Variants in ATP2C2 observed in about 807,000 individuals in gnomAD.
ATP2C2 encodes ATPase secretory pathway Ca2+ transporting 2.
Under a neutral mutation model 110.8 loss-of-function variants are expected in ATP2C2, and 171 were observed. The ratio of observed to expected loss-of-function variants is 1.54; its 90% CI spans 1.36 to 1.75. The LOEUF (loss-of-function observed/expected upper bound fraction) is 1.75. Among genes scored for constraint, ATP2C2 ranks in the 40% most tolerant of loss-of-function variants. The pLI is 0.00. For missense variants in ATP2C2, 1,963 were observed against 1,235.0 expected, an observed-to-expected ratio of 1.59 and a Z score of -8.84; for synonymous variants, 804 against 508.4, an observed-to-expected ratio of 1.58 and a Z score of -7.82.
chr16:84,439,277 C>G lies in ATP2C2; in HGVS notation c.1098C>G (p.Ile366Met), dbSNP rs750654957. The G allele has an allele frequency of 3.7e-6, 6 of 1,612,734 alleles. No individual in the cohort carries two copies. Among genetic ancestry groups the G allele is most frequent in the African/African-American group, 1.3e-5 (1 of 74,846 alleles). ...KKRVIVKKLP[I>M]VETLGCCSVL... Reference sequence around the variant, plus strand: ...GGGTCATCGTGAAGAAGTTACCCATCGTGGAGACTTTAGGTGAGGGACTCC... The same window carrying G: ...GGGTCATCGTGAAGAAGTTACCCATGGTGGAGACTTTAGGTGAGGGACTCC... Residue 366 changes from isoleucine (I) to methionine (M), a missense_variant, in exon 12 of 27, where the codon ATC becomes ATG. Ile to Met is a conservative substitution (Grantham distance 10). Transcript: ENST00000262429.
chr16:84,389,314 C>T (rs1020952974), intron 1 of ATP2C2, among the ~76,000 whole-genome samples: 4 of 151,642 alleles, frequency 2.6e-5, no homozygotes, highest in African/African-American at 7.3e-5. Context: ...TTCTAGATTC[C>T]CCGCGATCTG....
intron 17 of ATP2C2, among the ~76,000 whole-genome samples, chr16:84,449,948 G>A (rs867878902): frequency 1.3e-5 from 2 of 152,250 alleles, no homozygotes; most frequent in African/African-American, 2.4e-5. Flanking sequence ...AAGTGCCTGT[G>A]TGAGGCCACG....
intron 6 of ATP2C2, 68 bp from the exon 7 acceptor site, chr16:84,415,415 A>T: frequency 7.8e-7 from 1 of 1,287,794 alleles, no homozygotes; most frequent in East Asian, 2.3e-5. Flanking sequence ...TCCTTGTTCA[A>T]ATGTATCAAG....
chr16:84,377,304 C>T (rs1910305087), intron 1 of ATP2C2, among the ~76,000 whole-genome samples: 1 of 152,190 alleles, frequency 6.6e-6, no homozygotes, highest in African/African-American at 2.4e-5. Flanking sequence ...TCAATCCAAT[C>T]ACCTGTCTTC....
intron 14 of ATP2C2, 111 bp downstream of exon 14, chr16:84,441,069 G>C (rs1597841945): frequency 1.1e-6 from 1 of 928,372 alleles, no homozygotes; most frequent in Admixed American, 2.1e-5. Flanking sequence ...ACAATGACTG[G>C]CCCATCCAGG....
chr16:84,448,680 G>C lies in ATP2C2; in HGVS notation c.1651G>C (p.Gly551Arg). ...GGAAGAGAAGAGGATGGGGTCGCTC[G>C]GTTTGCGGGGTCAGTGCCTGTGGTC... Reference protein sequence around the residue: ...LQEEKRMGSLGLRVLALASGP... With the variant: ...LQEEKRMGSLRLRVLALASGP... Residue 551 changes from glycine to arginine, a missense_variant, in exon 17 of 27, where the codon GGT (glycine) becomes CGT (arginine). Transcript: ENST00000262429. The C allele has an allele frequency of 1.2e-6, 2 of 1,611,586 alleles. No homozygotes were observed. Among genetic ancestry groups the C allele is most frequent in the Admixed American group, 1.7e-5 (1 of 59,662 alleles).
At chr16:84,453,110 C>T (rs1283167880) in intron 18 of ATP2C2, 28 bp from the exon 19 acceptor site, 1 of 1,578,408 alleles carries the variant, frequency 6.3e-7, no homozygotes, top group Non-Finnish European at 8.6e-7. Context: ...GGCCTCAGAG[C>T]AGGCCCTCAG....
chr16:84,441,929 A>G (rs926154607), intron 14 of ATP2C2, among the ~76,000 whole-genome samples: 2 of 147,922 alleles, frequency 1.4e-5, no homozygotes, highest in African/African-American at 5.0e-5. Context: ...TCTCGAATGA[A>G]TGAATGAATG....
intron 11 of ATP2C2, among the ~76,000 whole-genome samples, chr16:84,428,918 ATGCAGTGG>A (rs1908018871): frequency 6.6e-6 from 1 of 152,182 alleles, no homozygotes; most frequent in African/African-American, 2.4e-5. Context: ...CATGAAAATG[ATGCAGTGG>A]TGCTGTACAG....
intron 2 of ATP2C2, 161 bp from the exon 3 acceptor site, chr16:84,404,967 A>G (rs757310733): frequency 1.4e-6 from 1 of 730,378 alleles, no homozygotes; most frequent in African/African-American, 1.7e-5. Flanking sequence ...TCTCTGCCCC[A>G]TCTGCACGGG....
chr16:84,460,936 C>T (rs1911264499), intron 24 of ATP2C2, 135 bp downstream of exon 24: 2 of 1,278,926 alleles, frequency 1.6e-6, no homozygotes, highest in South Asian at 3.1e-5. Flanking sequence ...AATGTGATGC[C>T]ATCAGAGGCG....
intron 16 of ATP2C2, among the ~76,000 whole-genome samples, chr16:84,447,208 TCAG>T (rs966401716): frequency 6.6e-6 from 1 of 152,138 alleles, no homozygotes; most frequent in African/African-American, 2.4e-5. Flanking sequence ...CAGCTCCCAC[TCAG>T]GGCTGTGGGC....
Position 84,368,570 on chromosome 16 carries a change from C to A in ATP2C2, c.-46C>A. On this transcript the variant is annotated 5_prime_UTR_variant, in exon 1 of 27. Coordinates refer to ENST00000262429, the MANE Select transcript of ATP2C2 (RefSeq NM_014861.4). ...TTGGGCGCGCGCAGCCATCCCGGGC[C>A]TCGCCGGGGACCTAGGGACGCAGGC... 1 of 1,449,112 alleles carries A rather than the reference C, an allele frequency of 6.9e-7. No homozygotes were observed. The highest frequency in any genetic ancestry group is 2.7e-5 in the East Asian group (1 of 37,630). The allele number at this position is 1,449,112 out of a possible 1,614,324, so 89.8% of individuals were successfully genotyped here. A position where few individuals can be genotyped will look rare whatever the true frequency, so the allele number is the denominator to read the frequency against.
chr16:84,462,336 G>A, intron 26 of ATP2C2: 2 of 632,338 alleles, frequency 3.2e-6, no homozygotes, highest in Non-Finnish European at 5.2e-6. Flanking sequence ...CCCCTAGGAA[G>A]AGGCCTGTCA....
intron 17 of ATP2C2, among the ~76,000 whole-genome samples, 173 bp downstream of exon 17, chr16:84,448,862 G>A (rs1910003257): frequency 6.6e-6 from 1 of 152,152 alleles, no homozygotes; most frequent in Admixed American, 6.5e-5. Flanking sequence ...AGGCACAGAG[G>A]TCCCCACCTC....
intron 11 of ATP2C2, among the ~76,000 whole-genome samples, chr16:84,436,611 T>A (rs1908757339): frequency 6.6e-6 from 1 of 152,076 alleles, no homozygotes; most frequent in African/African-American, 2.4e-5. Flanking sequence ...ACAGAGTGGA[T>A]CCATGCGGTG....
Position 84,453,136 on chromosome 16 carries a change from A to G in ATP2C2, c.1832-2A>G. ...AGGCCCTCAGAACAGGTTCTTCTGAAGGAAGAAACATCGGCCTGTGCAACG... is the reference window on the plus strand; with the variant it reads ...AGGCCCTCAGAACAGGTTCTTCTGAGGGAAGAAACATCGGCCTGTGCAACG... On this transcript the variant is annotated splice_acceptor_variant, in intron 18 of 26. Coordinates refer to ENST00000262429, the MANE Select transcript of ATP2C2 (RefSeq NM_014861.4). LOFTEE classifies it high-confidence loss of function. 6.2e-7 allele frequency: 1 copy of G among 1,607,726 alleles called. No individual in the cohort carries two copies. Among genetic ancestry groups the G allele is most frequent in the Non-Finnish European group, 8.5e-7 (1 of 1,176,808 alleles).
intron 1 of ATP2C2, among the ~76,000 whole-genome samples, chr16:84,390,609 C>T (rs1408307286): frequency 1.3e-5 from 2 of 151,878 alleles, no homozygotes; most frequent in Admixed American, 6.6e-5. Flanking sequence ...GCAGATGAGT[C>T]GTTCCGGAGG....
intron 23 of ATP2C2, chr16:84,459,876 G>T (rs1053987619): frequency 8.4e-6 from 3 of 357,160 alleles, no homozygotes; most frequent in South Asian, 5.8e-5. Context: ...GAGATAAAGG[G>T]CTTGCCACTC....
Sources: gnomAD v4.1 joint callset for allele counts (sites outside exome capture counted in the v4.1 genomes callset) on GRCh38, gnomAD v4.1.1 for gene constraint, MANE v1.5 for transcripts, NCBI Gene and HGNC (gene_info 2026-07-23, HGNC 2026-07-21) for gene names.